Variants in RSRC1 observed in about 807,000 individuals in gnomAD.
The protein encoded by RSRC1 is arginine and serine rich coiled-coil 1.
A neutral mutation model predicts 49.1 loss-of-function variants in RSRC1; 39 were observed. The ratio of observed to expected loss-of-function variants is 0.79; its 90% CI spans 0.61 to 1.04. The LOEUF (loss-of-function observed/expected upper bound fraction) is 1.04, where lower values mean the gene tolerates loss of function less well. Among genes scored for constraint, RSRC1 ranks in the 50% least tolerant of loss-of-function variants. RSRC1 has a pLI of 0.00. For synonymous variants in RSRC1, 143 were observed against 130.8 expected, an observed-to-expected ratio of 1.09 and a Z score of -0.63; for missense variants, 388 against 402.4, an observed-to-expected ratio of 0.96 and a Z score of 0.31.
At chr3:158,185,794 T>C in intron 3 of RSRC1, among the ~76,000 whole-genome samples, 2 of 151,950 alleles carry the variant, frequency 1.3e-5, no homozygotes, top group East Asian at 3.9e-4. Flanking sequence ...GTAAAGTATA[T>C]AGCATTTTAA....
chr3:158,525,874 G>C (rs1179888670), intron 7 of RSRC1, among the ~76,000 whole-genome samples: 1 of 151,852 alleles, frequency 6.6e-6, no homozygotes, highest in Non-Finnish European at 1.5e-5. Flanking sequence ...GGTTGTCTGG[G>C]GGTCAGGGTA....
At chr3:158,427,021 T>C (rs1735483857) in intron 6 of RSRC1, among the ~76,000 whole-genome samples, 1 of 151,826 alleles carries the variant, frequency 6.6e-6, no homozygotes, top group South Asian at 2.1e-4. Flanking sequence ...TGGTTTGCTT[T>C]TCTTAGGATA....
chr3:158,171,184 A>G (rs772045622), intron 3 of RSRC1, among the ~76,000 whole-genome samples: 4 of 152,162 alleles, frequency 2.6e-5, no homozygotes, highest in Non-Finnish European at 4.4e-5. Context: ...TGGAACTACA[A>G]CCCACAGAAT....
intron 5 of RSRC1, among the ~76,000 whole-genome samples, chr3:158,346,524 A>C (rs924582090): frequency 4.6e-5 from 7 of 152,226 alleles, no homozygotes; most frequent in Admixed American, 1.3e-4. Flanking sequence ...TAATCAGTAC[A>C]TGAAAAGATG....
intron 4 of RSRC1, among the ~76,000 whole-genome samples, chr3:158,283,039 T>A (rs1333125680): frequency 6.6e-6 from 1 of 152,204 alleles, no homozygotes; most frequent in East Asian, 1.9e-4. Context: ...TATCTCTATT[T>A]CACATTCTCC....
At chr3:158,117,739 A>G (rs372823218) in intron 1 of RSRC1, among the ~76,000 whole-genome samples, 8 of 151,954 alleles carry the variant, frequency 5.3e-5, no homozygotes, top group African/African-American at 1.7e-4. Flanking sequence ...GTGTCCTCCC[A>G]TTTCAGCGTT....
chr3:158,316,272 C>T (rs73168718), intron 5 of RSRC1, among the ~76,000 whole-genome samples: 18,554 of 151,860 alleles, frequency 0.12, 1,399 homozygotes, highest in Middle Eastern at 0.2. Flanking sequence ...TGCAAGTTGG[C>T]GTATGCAAAG....
chr3:158,326,080 G>C (rs1467642694), intron 5 of RSRC1, among the ~76,000 whole-genome samples: 2 of 152,100 alleles, frequency 1.3e-5, no homozygotes, highest in African/African-American at 2.4e-5. Context: ...CATTGATTTT[G>C]TATCCTGAGA....
intron 7 of RSRC1, among the ~76,000 whole-genome samples, chr3:158,503,301 C>T (rs1014688405): frequency 3.3e-5 from 5 of 152,028 alleles, no homozygotes; most frequent in Non-Finnish European, 7.4e-5. Flanking sequence ...TGGGGGAGTG[C>T]AATGGACTCC....
intron 6 of RSRC1, among the ~76,000 whole-genome samples, chr3:158,361,810 C>G (rs1731491171): frequency 6.6e-6 from 1 of 152,090 alleles, no homozygotes; most frequent in Non-Finnish European, 1.5e-5. Flanking sequence ...TAAATGCCTT[C>G]TTTCTTCCTT....
chr3:158,255,730 G>C (rs1007989500), intron 4 of RSRC1, among the ~76,000 whole-genome samples: 1 of 152,010 alleles, frequency 6.6e-6, no homozygotes, highest in Non-Finnish European at 1.5e-5. Context: ...CTTTTATTTC[G>C]TTGAGCAGTG....
intron 3 of RSRC1, among the ~76,000 whole-genome samples, chr3:158,202,225 G>A (rs2108278026): frequency 6.6e-6 from 1 of 152,222 alleles, no homozygotes; most frequent in East Asian, 1.9e-4. Context: ...ATGTTGGCCA[G>A]GCTGGTCTCG....
At chr3:158,126,859 T>G (rs1715657233) in intron 3 of RSRC1, among the ~76,000 whole-genome samples, 2 of 152,124 alleles carry the variant, frequency 1.3e-5, no homozygotes, top group Non-Finnish European at 2.9e-5. Context: ...TATAGTGTTC[T>G]TGATTGACAG....
chr3:158,511,097 C>G (rs1334989680), intron 7 of RSRC1, among the ~76,000 whole-genome samples: 1 of 143,420 alleles, frequency 7.0e-6, no homozygotes, highest in Non-Finnish European at 1.6e-5. Context: ...GAATTGGCAC[C>G]TCATTTGTTG....
At chr3:158,497,770 C>T (rs1337700383) in intron 7 of RSRC1, among the ~76,000 whole-genome samples, 1 of 152,112 alleles carries the variant, frequency 6.6e-6, no homozygotes, top group Non-Finnish European at 1.5e-5. Flanking sequence ...GTCTTCACAG[C>T]TTAGCTCCCA....
intron 4 of RSRC1, among the ~76,000 whole-genome samples, chr3:158,213,170 T>C (rs566034943): frequency 6.6e-6 from 1 of 152,066 alleles, no homozygotes; most frequent in South Asian, 2.1e-4. Flanking sequence ...AGGACAGTTT[T>C]AAAGTGCCTG....
chr3:158,507,532 T>A (rs1214084921), intron 7 of RSRC1, among the ~76,000 whole-genome samples: 2 of 152,098 alleles, frequency 1.3e-5, no homozygotes, highest in Non-Finnish European at 2.9e-5. Flanking sequence ...TTTTAAAAAA[T>A]TGTTCAGGGC....
At chr3:158,432,251 A>G (rs1225846194) in intron 6 of RSRC1, among the ~76,000 whole-genome samples, 2 of 151,982 alleles carry the variant, frequency 1.3e-5, no homozygotes, top group African/African-American at 4.8e-5. Context: ...ATTGGCCCTG[A>G]CAGTCTGATA....
At chr3:158,498,527 T>G (rs938124658) in intron 7 of RSRC1, among the ~76,000 whole-genome samples, 17 of 152,200 alleles carry the variant, frequency 1.1e-4, no homozygotes, top group African/African-American at 3.1e-4. Context: ...GTTGTCTGTT[T>G]ACTCTTCTGA....
Sources: gnomAD v4.1 joint callset for allele counts (sites outside exome capture counted in the v4.1 genomes callset) on GRCh38, gnomAD v4.1.1 for gene constraint, MANE v1.5 for transcripts, NCBI Gene and HGNC (gene_info 2026-07-23, HGNC 2026-07-21) for gene names.